UBIAD1: variants seen among roughly 807,000 people sequenced by gnomAD.
UBIAD1 encodes ubiA prenyltransferase domain-containing protein 1.
UBIAD1 carries 12 observed loss-of-function variants against 20.1 expected under a neutral mutation model. The observed-to-expected ratio is 0.60, with a 90% CI of 0.38 to 0.97. The LOEUF is 0.97. UBIAD1 is among the 50% of genes least tolerant of loss of function. The pLI, the probability that UBIAD1 is intolerant of heterozygous loss-of-function variation, is 0.00. For missense variants in UBIAD1, 333 were observed against 419.5 expected (o/e 0.79, Z 1.80); for synonymous variants, 207 against 189.2 (o/e 1.09, Z -0.77).
intron 1 of UBIAD1, among the ~76,000 whole-genome samples, chr1:11,294,023 C>A (rs932882040): frequency 1.3e-5 from 2 of 152,162 alleles, no homozygotes; most frequent in African/African-American, 4.8e-5. Flanking sequence ...ATTCCTGGCA[C>A]GTAGAAGTCT....
intron 1 of UBIAD1, among the ~76,000 whole-genome samples, chr1:11,293,797 T>C (rs1388176720): frequency 6.6e-6 from 1 of 152,218 alleles, no homozygotes; most frequent in Non-Finnish European, 1.5e-5. Context: ...TGCCTCAGCC[T>C]CCCAAGCAGC....
At chr1:11,298,764 A>G (rs1638487410), downstream of UBIAD1, among the ~76,000 whole-genome samples, 2 of 152,138 alleles carry the variant, frequency 1.3e-5, no homozygotes, top group South Asian at 4.1e-4. This position sits in a 1 kb window ranked among gnomAD's most constrained non-coding sequence, Gnocchi z 4.0. Flanking sequence ...TGGTAAAGCC[A>G]TCTCAATGTC....
intron 1 of UBIAD1, among the ~76,000 whole-genome samples, chr1:11,280,527 G>A (rs1652207439): frequency 1.3e-5 from 2 of 152,270 alleles, no homozygotes; most frequent in South Asian, 2.1e-4. Context: ...AACATCTCAA[G>A]CTTAACATGT....
At position 11,280,519 on chromosome 1, in the gene UBIAD1, C is replaced by T. The variant is rs562294190; in HGVS notation, c.530-5125C>T. Among the ~76,000 whole-genome samples the T allele has an allele frequency of 7.9e-5, 12 of 152,310 alleles. No individual in the cohort carries two copies. In the South Asian group the frequency reaches 2.3e-3, roughly 29 times the overall value. ...ACTTCTCCTAGAACTGTCTCATAAA[C>T]ATCTCAAGCTTAACATGTCTGAGAC... On this transcript the variant is annotated intron_variant, in intron 1 of 1. Coordinates refer to ENST00000376810, the MANE Select transcript of UBIAD1 (RefSeq NM_013319.3).
intron 1 of UBIAD1, among the ~76,000 whole-genome samples, chr1:11,284,217 G>C (rs949705653): frequency 1.3e-5 from 2 of 152,152 alleles, no homozygotes; most frequent in Admixed American, 1.3e-4. Flanking sequence ...GTGGTCCTGG[G>C]GAATGGTCTT....
intron 1 of UBIAD1, among the ~76,000 whole-genome samples, chr1:11,277,223 T>G (rs1196723899): frequency 6.6e-6 from 1 of 150,868 alleles, no homozygotes; most frequent in Non-Finnish European, 1.5e-5. Flanking sequence ...AGAACAAGAC[T>G]CCATCTCAAA....
Position 11,284,143 on chromosome 1 carries a change from G to A in UBIAD1, c.530-1501G>A, listed in dbSNP as rs1289923753. 2.0e-5 allele frequency among the ~76,000 whole-genome samples: 3 copies of A among 152,216 alleles called. No individual in the cohort carries two copies. The East Asian group carries it at 5.8e-4, about 29-fold the overall frequency. On this transcript the variant is annotated intron_variant, in intron 1 of 1. Transcript: ENST00000376810. ...GAAGCATGATGAAGTTTATGAACAT[G>A]GCAGGCATATTGCCATGGGAGCATA...
downstream of UBIAD1, among the ~76,000 whole-genome samples, chr1:11,289,272 T>C (rs1432958582): frequency 6.6e-6 from 1 of 152,226 alleles, no homozygotes; most frequent in Admixed American, 6.5e-5. Flanking sequence ...TTTGCTCCGC[T>C]GGATTCAACA....
chr1:11,279,818 A>G (rs1652183630), intron 1 of UBIAD1, among the ~76,000 whole-genome samples: 2 of 152,214 alleles, frequency 1.3e-5, no homozygotes, highest in African/African-American at 2.4e-5. Flanking sequence ...TCTGGGAGTC[A>G]TTGGTCTATA....
chr1:11,293,837 A>G (rs755713677), intron 1 of UBIAD1, among the ~76,000 whole-genome samples: 18 of 152,026 alleles, frequency 1.2e-4, no homozygotes, highest in Non-Finnish European at 1.9e-4. Flanking sequence ...CACCATGCCC[A>G]GCTAATTTTT....
chr1:11,293,643 G>C (rs1446880507), intron 1 of UBIAD1: 1 of 152,228 alleles, frequency 6.6e-6, no homozygotes, highest in Non-Finnish European at 1.5e-5. Context: ...TCCACTTGGG[G>C]TTGGGAGTAG....
At chr1:11,290,738 G>A (rs1638354213), downstream of UBIAD1, among the ~76,000 whole-genome samples, 1 of 152,206 alleles carries the variant, frequency 6.6e-6, no homozygotes, top group African/African-American at 2.4e-5. Flanking sequence ...CAGCACTTTG[G>A]GAGACCGAGA....
chr1:11,276,763 TAAAA>T (rs574096714), intron 1 of UBIAD1, among the ~76,000 whole-genome samples: 2 of 144,982 alleles, frequency 1.4e-5, no homozygotes, highest in African/African-American at 2.5e-5. Flanking sequence ...CATAGTTTGT[TAAAA>T]AAAAAAAACT....
chr1:11,276,357 T>A (rs1652027121), intron 1 of UBIAD1, among the ~76,000 whole-genome samples: 2 of 152,042 alleles, frequency 1.3e-5, no homozygotes, highest in Non-Finnish European at 2.9e-5. Context: ...TTCCACATTT[T>A]ATTTACATTT....
chr1:11,282,446 A>G (rs1358885348), intron 1 of UBIAD1, among the ~76,000 whole-genome samples: 1 of 152,048 alleles, frequency 6.6e-6, no homozygotes, highest in African/African-American at 2.4e-5. Context: ...TTTCTCCCCA[A>G]GGGCTCTACT....
In UBIAD1 at chr1:11,285,864, C is replaced by G; in HGVS notation, c.750C>G (p.Ile250Met). The change falls in exon 2 of 2, where the codon ATC (isoleucine) becomes ATG (methionine). Residue 250 changes from isoleucine to methionine, a missense_variant. This residue lies in a region of UBIAD1 where 226 missense variants were observed against 263.5 expected (regional missense o/e 0.86). Transcript: ENST00000376810. This position sits in a 1 kb window ranked among gnomAD's most constrained non-coding sequence, Gnocchi z 4.4. Reference protein sequence around the residue: ...DREAGIVTLAILIGPTFSYIL... With the variant: ...DREAGIVTLAMLIGPTFSYIL... ...AGGCTGGTATCGTCACGCTGGCCAT[C>G]CTCATCGGCCCCACGTTCTCCTACA... The G allele has an allele frequency of 1.2e-6, 2 of 1,614,228 alleles. No individual in the cohort carries two copies. The highest frequency in any genetic ancestry group is 1.7e-6 in the Non-Finnish European group (2 of 1,180,034).
chr1:11,290,098 T>A (rs1005541657), downstream of UBIAD1, among the ~76,000 whole-genome samples: 5 of 152,132 alleles, frequency 3.3e-5, no homozygotes, highest in African/African-American at 1.2e-4. Flanking sequence ...AATCCTGACC[T>A]CAGGCTATCT....
chr1:11,277,487 G>A (rs1046469423), intron 1 of UBIAD1, among the ~76,000 whole-genome samples: 8 of 151,798 alleles, frequency 5.3e-5, no homozygotes, highest in Non-Finnish European at 7.4e-5. Context: ...GGCCAGGCTG[G>A]TCTCTCTAAC....
intron 1 of UBIAD1, among the ~76,000 whole-genome samples, chr1:11,276,525 G>C (rs753813580): frequency 6.6e-6 from 1 of 151,622 alleles, no homozygotes; most frequent in African/African-American, 2.4e-5. Flanking sequence ...TTAGCCAGGC[G>C]TGGTGGCATG....
Sources: gnomAD v4.1 joint callset for allele counts (sites outside exome capture counted in the v4.1 genomes callset) on GRCh38, gnomAD v4.1.1 for gene constraint, gnomAD v4.1.1 regional missense constraint, Gnocchi (gnomAD v3.1) non-coding constraint, MANE v1.5 for transcripts, NCBI Gene and HGNC (gene_info 2026-07-23, HGNC 2026-07-21) for gene names.